Variants in PGGHG observed in about 807,000 individuals in gnomAD.
The protein encoded by PGGHG is protein-glucosylgalactosylhydroxylysine glucosidase.
PGGHG carries 67 observed loss-of-function variants against 74.5 expected under a neutral mutation model. That is an observed-to-expected ratio of 0.90 (90% CI 0.74 to 1.10). The LOEUF (loss-of-function observed/expected upper bound fraction) is 1.10. Ranked by LOEUF, PGGHG falls within the 50% of genes least tolerant of loss-of-function variation. PGGHG has a pLI of 0.00. For synonymous variants in PGGHG, 496 were observed against 419.9 expected, an observed-to-expected ratio of 1.18 and a Z score of -2.21; for missense variants, 1,034 against 981.5, an observed-to-expected ratio of 1.05 and a Z score of -0.72.
At position 296,071 on chromosome 11, in the gene PGGHG, G is replaced by C. The variant is rs1845853916; in HGVS notation, c.*1322G>C. The C allele has an allele frequency of 2.0e-5, 3 of 152,336 alleles. No homozygotes were observed. The South Asian group carries it at 6.2e-4, about 32-fold the overall frequency. 9.4% of individuals were successfully genotyped at this position (152,336 alleles called of 1,614,324 possible). A position where few individuals can be genotyped will look rare whatever the true frequency, so the allele number is the denominator to read the frequency against. On this transcript the variant is annotated 3_prime_UTR_variant, in exon 14 of 14. Transcript: ENST00000409548. The stretch of plus-strand genomic sequence containing the variant: ...CACCTGCGGCCGAGACCAGCACTCA[G>C]AGGTCGGCTCCCCTGACAGGAACCG...
chr11:292,002 G>C lies in PGGHG; in HGVS notation c.933G>C (p.Leu311=). 1 of 1,610,738 alleles carries C rather than the reference G, an allele frequency of 6.2e-7. No individual in the cohort carries two copies. Among genetic ancestry groups the C allele is most frequent in the Non-Finnish European group, 8.5e-7 (1 of 1,178,936 alleles). The change falls in exon 5 of 14, where the codon CTG becomes CTC. Residue 311 remains leucine (L), a synonymous_variant. Coordinates refer to ENST00000409548, the MANE Select transcript of PGGHG (RefSeq NM_025092.5). ...DQDLWMFPSI[L]MFHPEAARAI... The stretch of plus-strand genomic sequence containing the variant: ...ACCTCTGGATGTTCCCGAGTATCCT[G>C]ATGTTCCACCCAGAAGCCGCCAGGG...
chr11:294,006 GCACCC>G, intron 11 of PGGHG, 81 bp downstream of exon 11: 1 of 1,583,886 alleles, frequency 6.3e-7, no homozygotes, highest in Non-Finnish European at 8.6e-7. Flanking sequence ...ACAGCAGGGT[GCACCC>G]CTGGAGCTTC....
Position 292,097 on chromosome 11 carries a change from T to G in PGGHG, c.1026+2T>G. The G allele has an allele frequency of 6.4e-7, 1 of 1,551,740 alleles. No individual in the cohort carries two copies. Among genetic ancestry groups the G allele is most frequent in the Non-Finnish European group, 8.7e-7 (1 of 1,148,164 alleles). On this transcript the variant is annotated splice_donor_variant, in intron 5 of 13. Transcript: ENST00000409548. LOFTEE classifies it high-confidence loss of function. The stretch of plus-strand genomic sequence containing the variant: ...AACGCCCAGAACCTGGGCTACCAGG[T>G]GAGGGGACCTGGGGCACTGGCCCGT...
chr11:291,724 CTGGAGCCT>C (rs1347679825), intron 4 of PGGHG: 27 of 471,612 alleles, frequency 5.7e-5, no homozygotes, highest in Admixed American at 3.6e-4. Flanking sequence ...CATATTCGGG[CTGGAGCCT>C]CTGAGGCCAC....
In PGGHG at chr11:293,509, G is replaced by A. The variant is rs760441413; in HGVS notation, c.1480+7G>A. ...TTCGATGGGTATGAGCCTGGTGAGTGGACCCCTTCAAGGGCTCCTCCCCTG... is the reference window on the plus strand; with the variant it reads ...TTCGATGGGTATGAGCCTGGTGAGTAGACCCCTTCAAGGGCTCCTCCCCTG... On this transcript the variant is annotated splice_region_variant and intron_variant, in intron 9 of 13. Coordinates refer to ENST00000409548, the MANE Select transcript of PGGHG (RefSeq NM_025092.5). 1.2e-6 allele frequency: 2 copies of A among 1,611,346 alleles called. No individual in the cohort carries two copies. The highest frequency in any genetic ancestry group is 2.7e-5 in the African/African-American group (2 of 74,906).
rs759514957 is a variant in PGGHG at position 291,965 on chromosome 11, C to G, written c.907-11C>G. The G allele has an allele frequency of 2.1e-5, 34 of 1,601,776 alleles. No homozygotes were observed. The South Asian group carries it at 2.6e-4, about 12-fold the overall frequency. Reference sequence around the variant, plus strand: ...CCTGTCCGGCGCTAGAACGAGGGACCGTGCTCTCAGGACCTCTGGATGTTC... The same window carrying G: ...CCTGTCCGGCGCTAGAACGAGGGACGGTGCTCTCAGGACCTCTGGATGTTC... On this transcript the variant is annotated splice_polypyrimidine_tract_variant and intron_variant, in intron 4 of 13. Coordinates refer to ENST00000409548, the MANE Select transcript of PGGHG (RefSeq NM_025092.5).
Position 294,093 on chromosome 11 carries a change from C to T in PGGHG, c.1711-6C>T, listed in dbSNP as rs753970509. ...GTCCTGGTGTCAGCTGCCCTTGCCC[C>T]TGCAGGTGTGGACGGAGAATGCAGA... On this transcript the variant is annotated splice_polypyrimidine_tract_variant and splice_region_variant and intron_variant, in intron 11 of 13. Coordinates refer to ENST00000409548, the MANE Select transcript of PGGHG (RefSeq NM_025092.5). The T allele has an allele frequency of 6.2e-7, 1 of 1,601,192 alleles. No homozygotes were observed. Among genetic ancestry groups the T allele is most frequent in the Non-Finnish European group, 8.5e-7 (1 of 1,172,532 alleles).
chr11:294,381 C>G lies in PGGHG; in HGVS notation c.1923C>G (p.Asp641Glu). Residue 641 changes from aspartate (D) to glutamate (E), a missense_variant, in exon 13 of 14, where the codon GAC becomes GAG. Asp to Glu is a conservative substitution (Grantham distance 45). Coordinates refer to ENST00000409548, the MANE Select transcript of PGGHG (RefSeq NM_025092.5). ...AGCTCAACTTCTCTTTTTCCGAGGA[C>G]TCCGTGACCGTGGAGGTCACAGCTC... Reference protein sequence around the residue: ...GNKLNFSFSEDSVTVEVTARA... With the variant: ...GNKLNFSFSEESVTVEVTARA... 6.2e-7 allele frequency: 1 copy of G among 1,613,122 alleles called. No individual in the cohort carries two copies. The highest frequency in any genetic ancestry group is 2.2e-5 in the East Asian group (1 of 44,872).
Position 293,500 on chromosome 11 carries a change from C to T in PGGHG, c.1478C>T (p.Pro493Leu), listed in dbSNP as rs953585073. The change falls in exon 9 of 14, where the codon CCT (proline) becomes CTT (leucine). Residue 493 changes from proline (P) to leucine (L), a missense_variant and splice_region_variant. Transcript: ENST00000409548. ...NFHPEFDGYE[P>L]GEVVKQADVV... The stretch of plus-strand genomic sequence containing the variant: ...CACCCGGAGTTCGATGGGTATGAGC[C>T]TGGTGAGTGGACCCCTTCAAGGGCT... The T allele has an allele frequency of 5.0e-6, 8 of 1,611,378 alleles. No individual in the cohort carries two copies. The Admixed American group carries it at 1.3e-4, about 27-fold the overall frequency.
intron 8 of PGGHG, 53 bp downstream of exon 8, chr11:293,288 TG>T (rs1845782612): frequency 6.6e-7 from 1 of 1,515,798 alleles, no homozygotes; most frequent in African/African-American, 1.4e-5. Context: ...GCTGGAGACC[TG>T]CCCCGGTGCC....
intron 6 of PGGHG, 77 bp downstream of exon 6, chr11:292,754 G>A: frequency 2.5e-6 from 4 of 1,609,010 alleles, no homozygotes; most frequent in Non-Finnish European, 3.4e-6. Context: ...GTGGCTTCCT[G>A]TTTGGGGCTG....
Position 292,105 on chromosome 11 carries a change from C to G in PGGHG, c.1026+10C>G. 2 of 1,547,424 alleles carry G rather than the reference C, an allele frequency of 1.3e-6. No homozygotes were observed. The highest frequency in any genetic ancestry group is 1.7e-6 in the Non-Finnish European group (2 of 1,146,364). ...GAACCTGGGCTACCAGGTGAGGGGA[C>G]CTGGGGCACTGGCCCGTAGGGCCCT... is the stretch of plus-strand genomic sequence containing the variant. On this transcript the variant is annotated intron_variant, in intron 5 of 13. Coordinates refer to ENST00000409548, the MANE Select transcript of PGGHG (RefSeq NM_025092.5).
chr11:290,885 T>C lies in PGGHG; in HGVS notation c.678T>C (p.Ala226=). 1 of 1,611,628 alleles carries C rather than the reference T, an allele frequency of 6.2e-7. No homozygotes were observed. Among genetic ancestry groups the C allele is most frequent in the Non-Finnish European group, 8.5e-7 (1 of 1,179,186 alleles). Reference sequence around the variant, plus strand: ...CCCTGCAGCTGCAGGCCAGGGGAGCTCTGTATACGGCTCACGCACAGGCCT... The same window carrying C: ...CCCTGCAGCTGCAGGCCAGGGGAGCCCTGTATACGGCTCACGCACAGGCCT... ...TEALQLQARG[A]LYTAHAQAWA... Residue 226 remains alanine, a synonymous_variant, in exon 4 of 14, where the codon GCT becomes GCC. Coordinates refer to ENST00000409548, the MANE Select transcript of PGGHG (RefSeq NM_025092.5).
rs552091792 is a variant in PGGHG at position 292,400 on chromosome 11, C to T, written c.1027-146C>T. On this transcript the variant is annotated intron_variant, in intron 5 of 13. Transcript: ENST00000409548. The stretch of plus-strand genomic sequence containing the variant: ...CAGAAGCCACCTGGCCCCGTGAGGA[C>T]GTGCAGTGGGCCTTCTAGCAGTAGC... The T allele has an allele frequency of 7.9e-4, 861 of 1,094,182 alleles. 4 individuals are homozygous for T. In the African/African-American group the frequency reaches 0.012, roughly 15 times the overall value. 67.8% of individuals were successfully genotyped at this position (1,094,182 alleles called of 1,614,324 possible).
rs1440305595 is a variant in PGGHG at position 294,953 on chromosome 11, T to C, written c.*204T>C. On this transcript the variant is annotated 3_prime_UTR_variant, in exon 14 of 14. Coordinates refer to ENST00000409548, the MANE Select transcript of PGGHG (RefSeq NM_025092.5). Reference sequence around the variant, plus strand: ...CCCCCGTGGGCAGGTGGCTTCCCCGTGGCATCTCCACACCGCCTCTGCCTG... The same window carrying C: ...CCCCCGTGGGCAGGTGGCTTCCCCGCGGCATCTCCACACCGCCTCTGCCTG... The C allele has an allele frequency of 5.3e-6, 3 of 567,296 alleles. No homozygotes were observed. In the African/African-American group the frequency reaches 5.7e-5, roughly 11 times the overall value. 35.1% of individuals were successfully genotyped at this position (567,296 alleles called of 1,614,324 possible). A position where few individuals can be genotyped will look rare whatever the true frequency, so the allele number is the denominator to read the frequency against.
intron 2 of PGGHG, 113 bp from the exon 3 acceptor site, chr11:290,277 G>A (rs1845678483): frequency 7.3e-7 from 1 of 1,366,988 alleles, no homozygotes; most frequent in Non-Finnish European, 9.9e-7. Flanking sequence ...GAGCAGCCGA[G>A]GGCCCAGAGG....
At chr11:293,977 GC>G in intron 11 of PGGHG, 52 bp downstream of exon 11, 1 of 1,596,468 alleles carries the variant, frequency 6.3e-7, no homozygotes, top group Non-Finnish European at 8.5e-7. Flanking sequence ...TGGGAGTGGA[GC>G]CCAGCCTCAG....
chr11:292,080 G>C lies in PGGHG; in HGVS notation c.1011G>C (p.Gln337His), dbSNP rs753168127. 5 of 1,565,034 alleles carry C rather than the reference G, an allele frequency of 3.2e-6. No homozygotes were observed. In the Admixed American group the frequency reaches 9.6e-5, roughly 30 times the overall value. Residue 337 changes from glutamine (Q) to histidine (H), a missense_variant, in exon 5 of 14, where the codon CAG becomes CAC. Coordinates refer to ENST00000409548, the MANE Select transcript of PGGHG (RefSeq NM_025092.5). ...TGGACGGGGCCCTGGAGAACGCCCA[G>C]AACCTGGGCTACCAGGTGAGGGGAC... ...RTLDGALENA[Q>H]NLGYQGAKFA...
At position 291,104 on chromosome 11, in the gene PGGHG, C is replaced by T. The variant is rs1845707481; in HGVS notation, c.897C>T (p.Phe299=). 6.3e-7 allele frequency: 1 copy of T among 1,582,206 alleles called. No homozygotes were observed. The highest frequency in any genetic ancestry group is 1.3e-5 in the African/African-American group (1 of 74,306). ...AGGAATGCTACTGGGGCCACGTCTT[C>T]TGGGACCAGGTGAGCACTGTACACC... ...SREECYWGHV[F]WDQDLWMFPS... Residue 299 remains phenylalanine (F), a synonymous_variant, in exon 4 of 14, where the codon TTC becomes TTT. Transcript: ENST00000409548.
Sources: gnomAD v4.1 joint callset for allele counts on GRCh38, gnomAD v4.1.1 for gene constraint, MANE v1.5 for transcripts, NCBI Gene and HGNC (gene_info 2026-07-23, HGNC 2026-07-21) for gene names.